Variants in LRRFIP1 observed in about 807,000 individuals in gnomAD.
LRRFIP1 encodes leucine-rich repeat flightless-interacting protein 1.
Under a neutral mutation model 104.4 loss-of-function variants are expected in LRRFIP1, and 62 were observed. The ratio of observed to expected loss-of-function variants is 0.59; its 90% confidence interval spans 0.48 to 0.73. The LOEUF is 0.73. Ranked by LOEUF, LRRFIP1 falls within the 30% of genes least tolerant of loss-of-function variation. The pLI is 0.00. For missense variants in LRRFIP1, 796 were observed against 824.5 expected (o/e 0.97, Z 0.42); for synonymous variants, 300 against 299.0 (o/e 1.00, Z -0.03).
chr2:237,694,702 A>G (rs1029140778), intron 1 of LRRFIP1, among the ~76,000 whole-genome samples: 1 of 152,212 alleles, frequency 6.6e-6, no homozygotes, highest in African/African-American at 2.4e-5. Context: ...CACCTCAACT[A>G]GAAGACAAAA....
intron 1 of LRRFIP1, among the ~76,000 whole-genome samples, chr2:237,677,315 A>G (rs1054735015): frequency 3.3e-5 from 5 of 152,168 alleles, no homozygotes; most frequent in Admixed American, 6.5e-5. Flanking sequence ...AGCTGATTTC[A>G]CTTAGCATGA....
At chr2:237,700,404 G>A (rs1040325154) in intron 1 of LRRFIP1, among the ~76,000 whole-genome samples, 6 of 152,168 alleles carry the variant, frequency 3.9e-5, no homozygotes, top group African/African-American at 9.7e-5. Flanking sequence ...TCACATTCAC[G>A]TGAGTGAACT....
chr2:237,659,079 GTTATTA>G (rs34319083), intron 1 of LRRFIP1, among the ~76,000 whole-genome samples: 2 of 151,036 alleles, frequency 1.3e-5, no homozygotes, highest in African/African-American at 2.4e-5. Context: ...GAAAAGATAA[GTTATTA>G]TTATTATTAT....
chr2:237,627,704 G>T lies in LRRFIP1; in HGVS notation c.60G>T (p.Thr20=). The T allele has an allele frequency of 7.3e-7, 1 of 1,368,338 alleles. No homozygotes were observed. The highest frequency in any genetic ancestry group is 3.4e-5 in the East Asian group (1 of 29,688). 84.8% of individuals were successfully genotyped at this position (1,368,338 alleles called of 1,614,324 possible). A position where few individuals can be genotyped will look rare whatever the true frequency, so the allele number is the denominator to read the frequency against. ...GGCTCCCCAACCGGGAGCGGCTCAC[G>T]GCGGAGGACGACGCGCTCAACCAGA... The part of the protein sequence containing the change: ...RKRLPNRERL[T]AEDDALNQIA... Residue 20 remains threonine, a synonymous_variant, in exon 1 of 24, where the codon ACG becomes ACT. Coordinates refer to ENST00000308482, the MANE Select transcript of LRRFIP1 (RefSeq NM_001137550.2).
intron 1 of LRRFIP1, among the ~76,000 whole-genome samples, chr2:237,674,875 C>T (rs954922498): frequency 7.2e-5 from 11 of 152,258 alleles, no homozygotes; most frequent in African/African-American, 2.4e-4. Context: ...CACGCACGTG[C>T]TGGCTGTTGA....
chr2:237,652,406 A>G (rs1018871148), intron 1 of LRRFIP1, among the ~76,000 whole-genome samples: 6 of 152,224 alleles, frequency 3.9e-5, no homozygotes. Flanking sequence ...GGAGTTGGAC[A>G]TTGTCCCAGA....
intron 20 of LRRFIP1, among the ~76,000 whole-genome samples, chr2:237,771,389 C>G (rs1178715164): frequency 1.3e-5 from 2 of 151,616 alleles, no homozygotes; most frequent in Non-Finnish European, 2.9e-5. Flanking sequence ...TGCACTGAAT[C>G]CACACAAATG....
rs10195478 is a variant in LRRFIP1 at position 237,682,011 on chromosome 2, A to G, written c.97-26533A>G. On this transcript the variant is annotated intron_variant, in intron 1 of 23. Coordinates refer to ENST00000308482, the MANE Select transcript of LRRFIP1 (RefSeq NM_001137550.2). ...AGCTTGGCTTTGGGAATAGCAGTAAAGCAACAACACAGTGCTGGGCTCGAA... is the reference window on the plus strand; with the variant it reads ...AGCTTGGCTTTGGGAATAGCAGTAAGGCAACAACACAGTGCTGGGCTCGAA... 6.3e-3 allele frequency among the ~76,000 whole-genome samples: 953 copies of G among 152,230 alleles called. 6 individuals carry two copies. The highest frequency in any genetic ancestry group is 0.022 in the African/African-American group (919 of 41,540).
chr2:237,631,937 C>T (rs2082395857), intron 1 of LRRFIP1, among the ~76,000 whole-genome samples: 2 of 152,228 alleles, frequency 1.3e-5, no homozygotes, highest in South Asian at 4.1e-4. Flanking sequence ...AGCCTCCTCT[C>T]CAAGCTGGCC....
intron 1 of LRRFIP1, among the ~76,000 whole-genome samples, chr2:237,656,796 G>A (rs1185322015): frequency 6.6e-6 from 1 of 152,172 alleles, no homozygotes; most frequent in African/African-American, 2.4e-5. Context: ...TGTGCCTTGT[G>A]TCAGTATGTA....
intron 1 of LRRFIP1, among the ~76,000 whole-genome samples, chr2:237,706,659 ACTCT>A (rs1291243436): frequency 1.3e-5 from 2 of 151,906 alleles, no homozygotes; most frequent in African/African-American, 4.8e-5. Context: ...ACAGGGTCTC[ACTCT>A]GTCACCCAGG....
At position 237,711,916 on chromosome 2, in the gene LRRFIP1, C is replaced by A. The variant is rs553196087; in HGVS notation, c.184-2343C>A. Among the ~76,000 whole-genome samples the A allele has an allele frequency of 3.9e-5, 6 of 152,230 alleles. No homozygotes were observed. Among genetic ancestry groups the A allele is most frequent in the Non-Finnish European group, 8.8e-5 (6 of 68,044 alleles). On this transcript the variant is annotated intron_variant, in intron 2 of 23. Transcript: ENST00000308482. The surrounding 1 kb of genome is among the most constrained non-coding windows in gnomAD (Gnocchi z 4.4). ...AGCCCAGCGCAGCACGCGTTCCTAA[C>A]GGCGGCAACGGTGCCTTCATGAATT...
chr2:237,779,724 C>A lies in LRRFIP1; in HGVS notation c.*192C>A. 2.0e-6 allele frequency: 1 copy of A among 511,080 alleles called. No homozygotes were observed. The allele number at this position is 511,080 out of a possible 1,614,324, so 31.7% of individuals were successfully genotyped here. On this transcript the variant is annotated 3_prime_UTR_variant, in exon 24 of 24. Coordinates refer to ENST00000308482, the MANE Select transcript of LRRFIP1 (RefSeq NM_001137550.2). ...CCCAGCAGCCACCAGGTGCCTCTGT[C>A]TGCAGACCCCTGGCCCGGGCTGGCG... is the stretch of plus-strand genomic sequence containing the variant.
At chr2:237,628,742 G>C (rs1218463259) in intron 1 of LRRFIP1, among the ~76,000 whole-genome samples, 1 of 152,196 alleles carries the variant, frequency 6.6e-6, no homozygotes, top group Non-Finnish European at 1.5e-5. Flanking sequence ...CATTTGGACT[G>C]TGGTGTCTGG....
chr2:237,757,652 A>AT, intron 17 of LRRFIP1, 104 bp downstream of exon 17: 1 of 741,122 alleles, frequency 1.3e-6, no homozygotes, highest in Non-Finnish European at 2.3e-6. Flanking sequence ...CTGAGTATGC[A>AT]TGCAACTCCC....
intron 1 of LRRFIP1, among the ~76,000 whole-genome samples, chr2:237,639,069 G>A (rs181147695): frequency 6.6e-6 from 1 of 152,382 alleles, no homozygotes; most frequent in Admixed American, 6.5e-5. Context: ...AGAGCCCACA[G>A]GCTGCAGGGC....
intron 6 of LRRFIP1, chr2:237,721,205 C>T (rs1468968016): frequency 2.8e-5 from 5 of 180,168 alleles, no homozygotes; most frequent in African/African-American, 9.3e-5. Context: ...CTGGTAAAAT[C>T]GGAACCTCTA....
chr2:237,701,190 C>T (rs1245806006), intron 1 of LRRFIP1, among the ~76,000 whole-genome samples: 2 of 152,220 alleles, frequency 1.3e-5, no homozygotes, highest in African/African-American at 4.8e-5. Flanking sequence ...CCTTTGCCAG[C>T]AGTCAGGGCC....
chr2:237,650,516 G>C lies in LRRFIP1; in HGVS notation c.96+22776G>C, dbSNP rs148361266. Among the ~76,000 whole-genome samples, 10 of 148,808 alleles carry C rather than the reference G, an allele frequency of 6.7e-5. No individual in the cohort carries two copies. The East Asian group carries it at 1.7e-3, about 26-fold the overall frequency. On this transcript the variant is annotated intron_variant, in intron 1 of 23. Transcript: ENST00000308482. Reference sequence around the variant, plus strand: ...AGGACAGCCCTGGATGGCCGGGCAGGTTACGCACTGCAGAAGCCCTGGGAG... The same window carrying C: ...AGGACAGCCCTGGATGGCCGGGCAGCTTACGCACTGCAGAAGCCCTGGGAG...
Sources: gnomAD v4.1 joint callset for allele counts (sites outside exome capture counted in the v4.1 genomes callset) on GRCh38, gnomAD v4.1.1 for gene constraint, Gnocchi (gnomAD v3.1) non-coding constraint, MANE v1.5 for transcripts, NCBI Gene and HGNC (gene_info 2026-07-23, HGNC 2026-07-21) for gene names.